Variants in CSNK1A1 observed in about 807,000 individuals in gnomAD.
The protein encoded by CSNK1A1 is casein kinase I isoform alpha.
CSNK1A1 carries 7 observed loss-of-function variants against 46.1 expected under a neutral mutation model. The ratio of observed to expected loss-of-function variants is 0.15; its 90% CI spans 0.09 to 0.29. The LOEUF is 0.29. Among genes scored for constraint, CSNK1A1 ranks in the 10% least tolerant of loss-of-function variants. The pLI, the probability that CSNK1A1 is intolerant of heterozygous loss-of-function variation, is 1.00. For missense variants in CSNK1A1, 96 were observed against 417.1 expected, an observed-to-expected ratio of 0.23 and a Z score of 6.71; for synonymous variants, 137 against 141.5, an observed-to-expected ratio of 0.97 and a Z score of 0.23.
chr5:149,542,612 A>ATTTTTTTTTTT (rs1429394986), intron 2 of CSNK1A1, among the ~76,000 whole-genome samples: 1 of 11,516 alleles, frequency 8.7e-5, no homozygotes, highest in African/African-American at 6.7e-4. Flanking sequence ...ATATATATAT[A>ATTTTTTTTTTT]TATATATATA....
At chr5:149,497,209 G>A (rs1760680603) in intron 9 of CSNK1A1, 1 of 1,027,094 alleles carries the variant, frequency 9.7e-7, no homozygotes, top group African/African-American at 1.7e-5. Flanking sequence ...ATGAAAAACA[G>A]ATTGCTTTGC....
At chr5:149,507,224 G>C (rs575187826) in intron 7 of CSNK1A1, 91 bp from the exon 8 acceptor site, 2 of 978,232 alleles carry the variant, frequency 2.0e-6, no homozygotes, top group African/African-American at 3.3e-5. Context: ...AGATATTTTT[G>C]GGCGGGATAT....
intron 9 of CSNK1A1, chr5:149,497,671 T>C (rs534259440): frequency 1.0e-5 from 10 of 985,466 alleles, no homozygotes; most frequent in Admixed American, 6.1e-5. Flanking sequence ...AAGCACCGTT[T>C]TTCCTCTCAC....
chr5:149,536,815 G>C (rs1045575747), intron 2 of CSNK1A1, among the ~76,000 whole-genome samples: 1 of 152,172 alleles, frequency 6.6e-6, no homozygotes, highest in African/African-American at 2.4e-5. Flanking sequence ...TTAGGTTTAA[G>C]AATGGGAAGC....
chr5:149,517,673 T>A lies in CSNK1A1; in HGVS notation c.456+2617A>T. 1 of 639,204 alleles carries A rather than the reference T, an allele frequency of 1.6e-6. No individual in the cohort carries two copies. Among genetic ancestry groups the A allele is most frequent in the Non-Finnish European group, 2.8e-6 (1 of 360,706 alleles). The allele number at this position is 639,204 out of a possible 1,614,324, so 39.6% of individuals were successfully genotyped here. On this transcript the variant is annotated intron_variant, in intron 4 of 9. Coordinates refer to ENST00000377843, the MANE Select transcript of CSNK1A1 (RefSeq NM_001892.6). This position sits in a 1 kb window ranked among gnomAD's most constrained non-coding sequence, Gnocchi z 4.4. ...GTCTGAATAATGCCAACGTAAGAGG[T>A]GCTTGAGCAAGATCTACATTCTCCA...
intron 2 of CSNK1A1, among the ~76,000 whole-genome samples, chr5:149,536,256 A>G (rs575674776): frequency 6.6e-6 from 1 of 152,250 alleles, no homozygotes; most frequent in African/African-American, 2.4e-5. Context: ...CCCAGCCTCA[A>G]ATGGTTTTCT....
At chr5:149,540,845 C>G (rs967737931) in intron 2 of CSNK1A1, among the ~76,000 whole-genome samples, 3 of 151,964 alleles carry the variant, frequency 2.0e-5, no homozygotes, top group African/African-American at 7.2e-5. Flanking sequence ...TTTGGGAGGT[C>G]GAGATGGGCG....
chr5:149,526,775 GA>G (rs1393128909), intron 2 of CSNK1A1, among the ~76,000 whole-genome samples: 3 of 151,720 alleles, frequency 2.0e-5, no homozygotes, highest in Admixed American at 1.3e-4. Flanking sequence ...TAGCACCTGA[GA>G]AAGGGGGGGG....
At chr5:149,526,057 A>G (rs1761716491) in intron 2 of CSNK1A1, among the ~76,000 whole-genome samples, 1 of 152,216 alleles carries the variant, frequency 6.6e-6, no homozygotes, top group African/African-American at 2.4e-5. Flanking sequence ...CATATCTGGA[A>G]AGCTTATGTT....
chr5:149,496,777 T>C lies in CSNK1A1; in HGVS notation c.*76A>G. The C allele has an allele frequency of 7.8e-6, 12 of 1,531,970 alleles. No homozygotes were observed. Among genetic ancestry groups the C allele is most frequent in the Non-Finnish European group, 1.1e-5 (12 of 1,142,636 alleles). The allele number at this position is 1,531,970 out of a possible 1,614,324, so 94.9% of individuals were successfully genotyped here. A position where few individuals can be genotyped will look rare whatever the true frequency, so the allele number is the denominator to read the frequency against. ...ACCACTGGCTAGTGTACATATGAAC[T>C]AAAATTTCTAGATTTGGGGAGAAAC... is the stretch of plus-strand genomic sequence containing the variant. On this transcript the variant is annotated 3_prime_UTR_variant, in exon 10 of 10. Coordinates refer to ENST00000377843, the MANE Select transcript of CSNK1A1 (RefSeq NM_001892.6).
At chr5:149,533,072 T>C (rs1031753270) in intron 2 of CSNK1A1, among the ~76,000 whole-genome samples, 1 of 152,236 alleles carries the variant, frequency 6.6e-6, no homozygotes, top group African/African-American at 2.4e-5. Flanking sequence ...ATCCTTGAAT[T>C]ACCGTACATT....
intron 2 of CSNK1A1, among the ~76,000 whole-genome samples, chr5:149,538,014 G>GTTTTTTTTTTTTT (rs890909710): frequency 1.2e-5 from 1 of 85,728 alleles, no homozygotes; most frequent in Non-Finnish European, 2.1e-5. Flanking sequence ...AGTGTGCCCA[G>GTTTTTTTTTTTTT]TTTTTTTTTT....
rs1762335096 is a variant in CSNK1A1 at position 149,542,678 on chromosome 5, A to ATATATATATATATATATG, written c.230+7396_230+7397insCATATATATATATATATA. ...TATATATATATATATATATGTATAT[A>ATATATATATATATATATG]TATATATATATATATTTTTTTTTTT... On this transcript the variant is annotated intron_variant, in intron 2 of 9. Coordinates refer to ENST00000377843, the MANE Select transcript of CSNK1A1 (RefSeq NM_001892.6). Among the ~76,000 whole-genome samples the ATATATATATATATATATG allele has an allele frequency of 2.7e-4, 3 of 11,160 alleles. 1 individual carries two copies. Among genetic ancestry groups the ATATATATATATATATATG allele is most frequent in the African/African-American group, 1.4e-3 (3 of 2,082 alleles). 7.3% of individuals were successfully genotyped at this position (11,160 alleles called of 152,430 possible).
chr5:149,499,524 G>A lies in CSNK1A1; in HGVS notation c.1007-2664C>T, dbSNP rs945496974. ...CATCTATAATGCTAACACTTTGGGA[G>A]GCTGAGGCAGGAAGATCACTTAAAG... On this transcript the variant is annotated intron_variant, in intron 9 of 9. Transcript: ENST00000377843. 1.8e-4 allele frequency among the ~76,000 whole-genome samples: 27 copies of A among 152,070 alleles called. 1 individual carries two copies. The highest frequency in any genetic ancestry group is 1.5e-5 in the Non-Finnish European group (1 of 68,018).
chr5:149,508,236 C>T (rs898020708), intron 7 of CSNK1A1, among the ~76,000 whole-genome samples: 2 of 152,060 alleles, frequency 1.3e-5, no homozygotes, highest in Non-Finnish European at 2.9e-5. Flanking sequence ...ATTGATTGCA[C>T]CGATATAAAT....
intron 4 of CSNK1A1, among the ~76,000 whole-genome samples, chr5:149,513,856 C>T (rs1425147162): frequency 3.3e-5 from 5 of 151,050 alleles, no homozygotes; most frequent in African/African-American, 9.8e-5. Flanking sequence ...GCCAAGACCG[C>T]GTCACTGCAC....
intron 2 of CSNK1A1, 130 bp downstream of exon 2, chr5:149,549,945 C>T: frequency 9.4e-7 from 1 of 1,060,668 alleles, no homozygotes; most frequent in South Asian, 1.7e-5. Context: ...TACAGGAAAC[C>T]ACCAGCTATA....
rs560927521 is a variant in CSNK1A1 at position 149,539,887 on chromosome 5, A to C, written c.230+10188T>G. ...ACTTTATAAGAAACACCAACTTACAAGATTGGTGTAATGATTAAATGAGAC... is the reference window on the plus strand; with the variant it reads ...ACTTTATAAGAAACACCAACTTACACGATTGGTGTAATGATTAAATGAGAC... On this transcript the variant is annotated intron_variant, in intron 2 of 9. Transcript: ENST00000377843. 5.9e-5 allele frequency among the ~76,000 whole-genome samples: 9 copies of C among 152,346 alleles called. No homozygotes were observed. The South Asian group carries it at 1.9e-3, about 32-fold the overall frequency.
intron 2 of CSNK1A1, chr5:149,529,790 C>T (rs1487651628): frequency 2.2e-6 from 1 of 455,676 alleles, no homozygotes; most frequent in African/African-American, 2.0e-5. Context: ...AATTATTAGC[C>T]TTGGCATCAG....
Sources: gnomAD v4.1 joint callset for allele counts (sites outside exome capture counted in the v4.1 genomes callset) on GRCh38, gnomAD v4.1.1 for gene constraint, Gnocchi (gnomAD v3.1) non-coding constraint, MANE v1.5 for transcripts, NCBI Gene and HGNC (gene_info 2026-07-23, HGNC 2026-07-21) for gene names.